KIF13A: variants seen among roughly 807,000 people sequenced by gnomAD.
KIF13A encodes the protein kinesin family member 13A, also known as kinesin-like protein KIF13A.
Under a neutral mutation model 212.2 loss-of-function variants are expected in KIF13A, and 79 were observed. That is an observed-to-expected ratio of 0.37 (90% CI 0.31 to 0.45). The LOEUF is 0.45. Ranked by LOEUF, KIF13A falls within the 20% of genes least tolerant of loss-of-function variation. The probability of loss-of-function intolerance (pLI) is 1.00; values close to 1 mark genes in which losing one functional copy is unlikely to be tolerated. For synonymous variants in KIF13A, 789 were observed against 808.6 expected (o/e 0.98, Z 0.41); for missense variants, 1,901 against 2,209.0 (o/e 0.86, Z 2.79).
intron 25 of KIF13A, among the ~76,000 whole-genome samples, chr6:17,792,122 G>A (rs975326861): frequency 4.5e-5 from 6 of 134,818 alleles, no homozygotes; most frequent in East Asian, 2.4e-4. Flanking sequence ...AGAATCGCTC[G>A]AACCCAGGAG....
Position 17,828,420 on chromosome 6 carries a change from A to G in KIF13A, c.1402-50T>C. The G allele has an allele frequency of 6.5e-7, 1 of 1,532,366 alleles. No individual in the cohort carries two copies. The highest frequency in any genetic ancestry group is 1.4e-5 in the African/African-American group (1 of 72,896). The allele number at this position is 1,532,366 out of a possible 1,614,324, so 94.9% of individuals were successfully genotyped here. On this transcript the variant is annotated intron_variant, in intron 13 of 38. Transcript: ENST00000259711. The surrounding 1 kb of genome is among the most constrained non-coding windows in gnomAD (Gnocchi z 4.3). ...AAAAACCCACATTTATGAGTAACTC[A>G]GCAAAAATGTATCACAATCAATTTG...
At position 17,808,773 on chromosome 6, in the gene KIF13A, T is replaced by C; in HGVS notation, c.2158A>G (p.Arg720Gly). 1.2e-6 allele frequency: 2 copies of C among 1,611,848 alleles called. No individual in the cohort carries two copies. The highest frequency in any genetic ancestry group is 1.3e-5 in the African/African-American group (1 of 74,966). The change falls in exon 18 of 39, where the codon AGG becomes GGG. Residue 720 changes from arginine to glycine, a missense_variant. This residue lies in a region of KIF13A where 534 missense variants were observed against 536.9 expected (regional missense o/e 0.99). Transcript: ENST00000259711. ...QIPAANLSAN[R>G]KRGAIVSEPA... ...CACTTGAAGGACATTCTTACCTTCC[T>C]ATTGGCACTGAGGTTTGCAGCAGGG...
chr6:17,973,045 C>T (rs1211061675), intron 2 of KIF13A, among the ~76,000 whole-genome samples: 1 of 152,150 alleles, frequency 6.6e-6, no homozygotes, highest in East Asian at 1.9e-4. Context: ...AACCTGAGTT[C>T]ATCCCACAGT....
At chr6:17,836,269 GA>G (rs1384615275) in intron 11 of KIF13A, among the ~76,000 whole-genome samples, 1 of 152,186 alleles carries the variant, frequency 6.6e-6, no homozygotes, top group African/African-American at 2.4e-5. Context: ...TTAACAAGGA[GA>G]TAACACCTAA....
chr6:17,930,980 C>A lies in KIF13A; in HGVS notation c.147-32800G>T, dbSNP rs549506696. On this transcript the variant is annotated intron_variant, in intron 2 of 38. Coordinates refer to ENST00000259711, the MANE Select transcript of KIF13A (RefSeq NM_022113.6). ...ATCCGGCAGGTTCATTTTTGATTAA[C>A]AAAGGGCCTTCCTAAAATATCAATG... Among the ~76,000 whole-genome samples the A allele has an allele frequency of 8.5e-5, 13 of 152,304 alleles. No homozygotes were observed. The South Asian group carries it at 2.3e-3, about 27-fold the overall frequency.
At chr6:17,813,068 G>A (rs761420022) in intron 17 of KIF13A, among the ~76,000 whole-genome samples, 11 of 152,200 alleles carry the variant, frequency 7.2e-5, no homozygotes, top group Non-Finnish European at 1.6e-4. Flanking sequence ...ATCCTCAACA[G>A]CTAGCTGTTG....
At chr6:17,975,004 G>A (rs982527307) in intron 2 of KIF13A, among the ~76,000 whole-genome samples, 10 of 152,112 alleles carry the variant, frequency 6.6e-5, no homozygotes, top group Non-Finnish European at 8.8e-5. Flanking sequence ...CTCAAAGCTT[G>A]GTCCCAAGCT....
chr6:17,972,237 T>A (rs1014622484), intron 2 of KIF13A, among the ~76,000 whole-genome samples: 1 of 152,248 alleles, frequency 6.6e-6, no homozygotes. Flanking sequence ...AACATTATCC[T>A]TGAAACAAGT....
rs1258883366 is a variant in KIF13A at position 17,839,342 on chromosome 6, A to G, written c.831-1759T>C. The stretch of plus-strand genomic sequence containing the variant: ...CATAAGTCTACACAGAAACTTGTAC[A>G]TGAATATTCAAAGCAGCTTTATCCA... On this transcript the variant is annotated intron_variant, in intron 9 of 38. Transcript: ENST00000259711. The surrounding 1 kb of genome is among the most constrained non-coding windows in gnomAD (Gnocchi z 4.3). Among the ~76,000 whole-genome samples, 3 of 152,246 alleles carry G rather than the reference A, an allele frequency of 2.0e-5. No homozygotes were observed. The highest frequency in any genetic ancestry group is 4.8e-5 in the African/African-American group (2 of 41,460).
rs1189713710 is a variant in KIF13A at position 17,883,424 on chromosome 6, T to C, written c.160-9987A>G. Reference sequence around the variant, plus strand: ...ACTACCTCTTAATCAATCATGTAAATCTGTTTTCACATGTGACATCTGCTT... The same window carrying C: ...ACTACCTCTTAATCAATCATGTAAACCTGTTTTCACATGTGACATCTGCTT... On this transcript the variant is annotated intron_variant, in intron 3 of 38. Coordinates refer to ENST00000259711, the MANE Select transcript of KIF13A (RefSeq NM_022113.6). The surrounding 1 kb of genome is among the most constrained non-coding windows in gnomAD (Gnocchi z 4.8). Among the ~76,000 whole-genome samples the C allele has an allele frequency of 6.6e-6, 1 of 152,162 alleles. No individual in the cohort carries two copies. Among genetic ancestry groups the C allele is most frequent in the Non-Finnish European group, 1.5e-5 (1 of 68,026 alleles).
At position 17,775,074 on chromosome 6, in the gene KIF13A, G is replaced by T. The variant is rs575230126; in HGVS notation, c.4171-12C>A. The T allele has an allele frequency of 1.2e-6, 2 of 1,606,996 alleles. No individual in the cohort carries two copies. Among genetic ancestry groups the T allele is most frequent in the East Asian group, 2.2e-5 (1 of 44,730 alleles). ...CGGCTGGAAGAGACCTATAAGAGAAGAATGGTTTTAGCAATGTGGTTTATA... is the reference window on the plus strand; with the variant it reads ...CGGCTGGAAGAGACCTATAAGAGAATAATGGTTTTAGCAATGTGGTTTATA... On this transcript the variant is annotated splice_polypyrimidine_tract_variant and intron_variant, in intron 34 of 38. Transcript: ENST00000259711.
At chr6:17,869,019 A>AC (rs1448767018) in intron 4 of KIF13A, among the ~76,000 whole-genome samples, 12 of 126,594 alleles carry the variant, frequency 9.5e-5, no homozygotes, top group South Asian at 6.1e-4. Context: ...AAAAAAAAAA[A>AC]ACACAAATAA....
In KIF13A at chr6:17,899,308, A is replaced by G. The variant is rs1772851357; in HGVS notation, c.147-1128T>C. Among the ~76,000 whole-genome samples the G allele has an allele frequency of 6.6e-6, 1 of 152,226 alleles. No individual in the cohort carries two copies. The highest frequency in any genetic ancestry group is 2.4e-5 in the African/African-American group (1 of 41,454). On this transcript the variant is annotated intron_variant, in intron 2 of 38. Coordinates refer to ENST00000259711, the MANE Select transcript of KIF13A (RefSeq NM_022113.6). The surrounding 1 kb of genome is among the most constrained non-coding windows in gnomAD (Gnocchi z 5.2). Reference sequence around the variant, plus strand: ...ATATCCTCAATTCATAAACTATAAAATTACTGTGAAAAAGAAATGGGGGCA... The same window carrying G: ...ATATCCTCAATTCATAAACTATAAAGTTACTGTGAAAAAGAAATGGGGGCA...
At chr6:17,763,259 T>C (rs1360426397), downstream of KIF13A, among the ~76,000 whole-genome samples, 1 of 152,012 alleles carries the variant, frequency 6.6e-6, no homozygotes, top group Non-Finnish European at 1.5e-5. Context: ...CCAAGGGGGA[T>C]GGATCACCTG....
At chr6:17,797,944 C>T (rs1007542949) in intron 22 of KIF13A, among the ~76,000 whole-genome samples, 1 of 152,086 alleles carries the variant, frequency 6.6e-6, no homozygotes, top group Non-Finnish European at 1.5e-5. Context: ...GAAATGAATA[C>T]TGAACTGACT....
At chr6:17,874,200 T>C (rs1283454179) in intron 3 of KIF13A, among the ~76,000 whole-genome samples, 1 of 151,890 alleles carries the variant, frequency 6.6e-6, no homozygotes, top group Non-Finnish European at 1.5e-5. Flanking sequence ...AGTTCAAAAC[T>C]CTCCATATTC....
chr6:17,764,842 G>A lies in KIF13A; in HGVS notation c.4686C>T (p.Ala1562=). ...VEFADFSVYN[A]SLENREWFSS... ...AAAACCATTCCCTGTTCTCCAAGCT[G>A]GCATTGTAAACACTGAAGTCAGCAA... The change falls in exon 39 of 39, where the codon GCC becomes GCT. Residue 1562 remains alanine (A), a synonymous_variant. Transcript: ENST00000259711. The surrounding 1 kb of genome is among the most constrained non-coding windows in gnomAD (Gnocchi z 5.1). The A allele has an allele frequency of 1.9e-6, 3 of 1,613,846 alleles. No individual in the cohort carries two copies. The highest frequency in any genetic ancestry group is 1.1e-5 in the South Asian group (1 of 91,046).
At chr6:17,803,319 C>T (rs1218428003) in intron 20 of KIF13A, among the ~76,000 whole-genome samples, 3 of 152,042 alleles carry the variant, frequency 2.0e-5, no homozygotes, top group African/African-American at 7.3e-5. Context: ...TAACTGTGCC[C>T]ATTTTTCCCA....
intron 2 of KIF13A, among the ~76,000 whole-genome samples, chr6:17,943,940 G>A (rs571562340): frequency 2.6e-5 from 4 of 152,290 alleles, no homozygotes; most frequent in African/African-American, 9.6e-5. Flanking sequence ...ACCACATTAA[G>A]TTGATGCTTA....
Sources: allele counts gnomAD v4.1 joint callset (sites outside exome capture counted in the v4.1 genomes callset), GRCh38; gene constraint gnomAD v4.1.1; regional missense constraint gnomAD v4.1.1; non-coding constraint Gnocchi (gnomAD v3.1); transcripts MANE v1.5; gene names NCBI Gene and HGNC (gene_info 2026-07-23, HGNC 2026-07-21).